TRAPPC11: variants seen among roughly 807,000 people sequenced by gnomAD.
TRAPPC11 encodes trafficking protein particle complex subunit 11, also known as foie gras homolog.
Under a neutral mutation model 151.2 loss-of-function variants are expected in TRAPPC11, and 104 were observed. The ratio of observed to expected loss-of-function variants is 0.69; its 90% confidence interval spans 0.59 to 0.81. TRAPPC11 has a LOEUF of 0.81. Among genes scored for constraint, TRAPPC11 ranks in the 30% least tolerant of loss-of-function variants. The pLI is 0.00. For missense variants in TRAPPC11, 1,230 were observed against 1,349.6 expected (o/e 0.91, Z 1.39); for synonymous variants, 456 against 472.3 (o/e 0.97, Z 0.45).
intron 17 of TRAPPC11, among the ~76,000 whole-genome samples, chr4:183,685,834 AT>A (rs1449385726): frequency 6.6e-6 from 1 of 151,686 alleles, no homozygotes; most frequent in Non-Finnish European, 1.5e-5. Flanking sequence ...TTGTTCATTT[AT>A]TTTATTTTTC....
Position 183,706,783 on chromosome 4 carries a change from G to T in TRAPPC11, c.3056-24G>T, listed in dbSNP as rs755258562. The stretch of plus-strand genomic sequence containing the variant: ...TGGGGAGCTATTTTTTAAACCAAGA[G>T]AAGTGTGTCATCTTTCTCTGTAGAT... On this transcript the variant is annotated intron_variant, in intron 27 of 29. Coordinates refer to ENST00000334690, the MANE Select transcript of TRAPPC11 (RefSeq NM_021942.6). 5.6e-6 allele frequency: 9 copies of T among 1,600,540 alleles called. No individual in the cohort carries two copies. The African/African-American group carries it at 6.7e-5, about 12-fold the overall frequency.
In TRAPPC11 at chr4:183,694,729, T is replaced by A; in HGVS notation, c.2628+6T>A. 1 of 1,603,274 alleles carries A rather than the reference T, an allele frequency of 6.2e-7. No homozygotes were observed. Among genetic ancestry groups the A allele is most frequent in the Non-Finnish European group, 8.5e-7 (1 of 1,177,628 alleles). On this transcript the variant is annotated splice_donor_region_variant and intron_variant, in intron 23 of 29. Coordinates refer to ENST00000334690, the MANE Select transcript of TRAPPC11 (RefSeq NM_021942.6). Reference sequence around the variant, plus strand: ...TTGTTTGCAAGTGTCACAAGGTATTTTTTTATAGCTACTTTATAAAGCATC... The same window carrying A: ...TTGTTTGCAAGTGTCACAAGGTATTATTTTATAGCTACTTTATAAAGCATC...
chr4:183,688,615 G>A (rs1012334007), intron 18 of TRAPPC11, among the ~76,000 whole-genome samples: 2 of 152,222 alleles, frequency 1.3e-5, no homozygotes, highest in Non-Finnish European at 2.9e-5. Flanking sequence ...AAATATCTCT[G>A]TAATAGAAAT....
chr4:183,665,608 G>A (rs1031136372), intron 2 of TRAPPC11, among the ~76,000 whole-genome samples: 5 of 152,192 alleles, frequency 3.3e-5, no homozygotes, highest in African/African-American at 1.2e-4. Flanking sequence ...AAGTGGAGTA[G>A]TCTGAGCCAG....
chr4:183,694,704 T>C lies in TRAPPC11; in HGVS notation c.2609T>C (p.Ile870Thr), dbSNP rs765136046. The change falls in exon 23 of 30, where the codon ATT (isoleucine) becomes ACT (threonine). Residue 870 changes from isoleucine (I) to threonine (T), a missense_variant. Physicochemically the swap from Ile to Thr is moderately conservative, Grantham distance 89 (BLOSUM62 -1). Coordinates refer to ENST00000334690, the MANE Select transcript of TRAPPC11 (RefSeq NM_021942.6). ...LINTTVEEKE[I>T]VCKCHKDETV... ...AATACAACCGTTGAAGAAAAAGAAA[T>C]TGTTTGCAAGTGTCACAAGGTATTT... 2.5e-6 allele frequency: 4 copies of C among 1,608,562 alleles called. No homozygotes were observed. The East Asian group carries it at 8.9e-5, about 36-fold the overall frequency.
At chr4:183,690,822 G>C (rs138288185) in intron 18 of TRAPPC11, among the ~76,000 whole-genome samples, 19 of 152,204 alleles carry the variant, frequency 1.2e-4, no homozygotes, top group Middle Eastern at 6.8e-3. Flanking sequence ...AGAAAAATTA[G>C]TCTAGTGTGA....
intron 26 of TRAPPC11, 53 bp from the exon 27 acceptor site, chr4:183,704,925 TA>T (rs1736979007): frequency 8.5e-7 from 1 of 1,170,654 alleles, no homozygotes; most frequent in Admixed American, 1.8e-5. Flanking sequence ...ACTTCTTTCA[TA>T]GTTTAAAAAG....
chr4:183,661,663 GC>G (rs1734552908), intron 1 of TRAPPC11, among the ~76,000 whole-genome samples: 1 of 150,148 alleles, frequency 6.7e-6, no homozygotes, highest in African/African-American at 2.4e-5. Context: ...GAGCCACCGC[GC>G]CCGGCCAGAT....
At chr4:183,701,491 G>A in intron 25 of TRAPPC11, 1 of 493,036 alleles carries the variant, frequency 2.0e-6, no homozygotes, top group Non-Finnish European at 3.6e-6. Flanking sequence ...GGATTTTACT[G>A]TGATGGAATA....
chr4:183,664,882 C>T (rs1176504777), intron 2 of TRAPPC11, among the ~76,000 whole-genome samples: 2 of 151,722 alleles, frequency 1.3e-5, no homozygotes, highest in Admixed American at 6.6e-5. Context: ...GTCATCATAA[C>T]CTGGGGTATT....
rs367938699 is a variant in TRAPPC11, at chr4:183,679,438, T to C, written c.917T>C (p.Ile306Thr). Reference sequence around the variant, plus strand: ...CACATCGACTTGTGTAAGAAAAAGATTGGAAGTGCAGAGCTGTCTTTTGAG... The same window carrying C: ...CACATCGACTTGTGTAAGAAAAAGACTGGAAGTGCAGAGCTGTCTTTTGAG... ...RKHIDLCKKK[I>T]GSAELSFEHD... Residue 306 changes from isoleucine to threonine, a missense_variant, in exon 9 of 30, where the codon ATT (isoleucine) becomes ACT (threonine). Physicochemically the swap from Ile to Thr is moderately conservative, Grantham distance 89. Transcript: ENST00000334690. 2.4e-5 allele frequency: 39 copies of C among 1,613,000 alleles called. No individual in the cohort carries two copies. The highest frequency in any genetic ancestry group is 8.4e-5 in the Admixed American group (5 of 59,858).
intron 8 of TRAPPC11, among the ~76,000 whole-genome samples, chr4:183,678,178 C>T (rs1368612478): frequency 6.6e-6 from 1 of 152,122 alleles, no homozygotes; most frequent in African/African-American, 2.4e-5. Flanking sequence ...ACCTCGTGAT[C>T]CACCTGTCTC....
intron 17 of TRAPPC11, among the ~76,000 whole-genome samples, chr4:183,686,119 C>T (rs1735953249): frequency 6.6e-6 from 1 of 151,592 alleles, no homozygotes; most frequent in African/African-American, 2.4e-5. Context: ...ATTACAGGCA[C>T]GAGCTACCAT....
At chr4:183,699,771 C>T (rs564685303) in intron 25 of TRAPPC11, among the ~76,000 whole-genome samples, 109 of 152,264 alleles carry the variant, frequency 7.2e-4, no homozygotes, top group African/African-American at 2.5e-3. Flanking sequence ...GTGGCTCCTT[C>T]CTCTGTCTTC....
Position 183,691,335 on chromosome 4 carries a change from TA to T in TRAPPC11, c.1915del (p.Ile639Ter). The T allele has an allele frequency of 6.4e-7, 1 of 1,552,630 alleles. No individual in the cohort carries two copies. Among genetic ancestry groups the T allele is most frequent in the South Asian group, 1.3e-5 (1 of 78,810 alleles). ...FNNQEYNQFC[V>X]IEEASKANEV... ...TTTCAGGAATACAACCAGTTCTGTGTAATAGAAGAAGCATCCAAAGCAAATG... is the reference window on the plus strand; with the variant it reads ...TTTCAGGAATACAACCAGTTCTGTGTATAGAAGAAGCATCCAAAGCAAATG... On this transcript the variant is annotated frameshift_variant, in exon 19 of 30. Transcript: ENST00000334690. LOFTEE classifies it high-confidence loss of function.
chr4:183,675,151 T>G lies in TRAPPC11; in HGVS notation c.661-13T>G, dbSNP rs780252136. 6.3e-6 allele frequency: 9 copies of G among 1,425,970 alleles called. 1 individual carries two copies. The East Asian group carries it at 1.7e-4, about 27-fold the overall frequency. The allele number at this position is 1,425,970 out of a possible 1,614,324, so 88.3% of individuals were successfully genotyped here. On this transcript the variant is annotated splice_polypyrimidine_tract_variant and intron_variant, in intron 6 of 29. Coordinates refer to ENST00000334690, the MANE Select transcript of TRAPPC11 (RefSeq NM_021942.6). Reference sequence around the variant, plus strand: ...AGAATATGTATAATAGTAATTTTTTTGTCTCTTTTTAGCTTTTATTTGTTA... The same window carrying G: ...AGAATATGTATAATAGTAATTTTTTGGTCTCTTTTTAGCTTTTATTTGTTA...
rs1358025970 is a variant in TRAPPC11 at position 183,666,437 on chromosome 4, C to T, written c.374+11C>T. ...AGTGGAAATAGTCAGGTATGATCTT[C>T]TGTGTCAGGGCAGCTATGTCAGTTT... On this transcript the variant is annotated intron_variant, in intron 3 of 29. Transcript: ENST00000334690. The T allele has an allele frequency of 1.9e-6, 3 of 1,609,600 alleles. No individual in the cohort carries two copies. The highest frequency in any genetic ancestry group is 2.5e-6 in the Non-Finnish European group (3 of 1,177,352).
At chr4:183,707,442 G>A (rs1347463373) in intron 28 of TRAPPC11, among the ~76,000 whole-genome samples, 1 of 151,980 alleles carries the variant, frequency 6.6e-6, no homozygotes, top group Non-Finnish European at 1.5e-5. Flanking sequence ...TATTTGTTCA[G>A]TCAAATCAGG....
intron 25 of TRAPPC11, among the ~76,000 whole-genome samples, chr4:183,698,317 CTAA>C (rs1736645741): frequency 1.3e-5 from 2 of 152,132 alleles, no homozygotes; most frequent in Admixed American, 6.5e-5. Flanking sequence ...TTAAAAAGTA[CTAA>C]TAATATCTTT....
Sources: gnomAD v4.1 joint callset for allele counts (sites outside exome capture counted in the v4.1 genomes callset) on GRCh38, gnomAD v4.1.1 for gene constraint, MANE v1.5 for transcripts, NCBI Gene and HGNC (gene_info 2026-07-23, HGNC 2026-07-21) for gene names.